The following ODF2 variants were observed in gnomAD, a reference collection of about 807,000 sequenced individuals.
ODF2 encodes outer dense fiber of sperm tails 2.
In ODF2, 47 loss-of-function variants were observed where a neutral mutation model predicts 110.2. The ratio of observed to expected loss-of-function variants is 0.43; its 90% CI spans 0.34 to 0.54. The LOEUF (loss-of-function observed/expected upper bound fraction) is 0.54, where lower values mean the gene tolerates loss of function less well. Among genes scored for constraint, ODF2 ranks in the 20% least tolerant of loss-of-function variants. ODF2 has a pLI of 0.03. For synonymous variants in ODF2, 352 were observed against 397.7 expected (o/e 0.89, Z 1.37); for missense variants, 812 against 1,054.5 (o/e 0.77, Z 3.19).
intron 1 of ODF2, chr9:128,456,856 A>G (rs1834990067): frequency 1.5e-6 from 2 of 1,292,238 alleles, no homozygotes; most frequent in East Asian, 3.5e-5. Context: ...GGCCCGTGCA[A>G]CCTCCGCGCC....
chr9:128,469,527 C>A, intron 5 of ODF2, 174 bp downstream of exon 5: 1 of 638,026 alleles, frequency 1.6e-6, no homozygotes. Flanking sequence ...GCATGGGATC[C>A]CATCCCACCA....
chr9:128,455,764 G>A (rs1013426324), upstream of ODF2, among the ~76,000 whole-genome samples: 9 of 152,050 alleles, frequency 5.9e-5, no homozygotes, highest in African/African-American at 1.4e-4. Context: ...GAGGCAGTGT[G>A]CAGCTCCCAA....
Position 128,459,674 on chromosome 9 carries a change from C to T in ODF2, c.123+17C>T, listed in dbSNP as rs372256022. ...ACTGTGACGGTAGGTGATGCACTCA[C>T]GTAGCAGCCCTCTTTGGTCACCTTG... On this transcript the variant is annotated intron_variant, in intron 3 of 20. Transcript: ENST00000604420. The T allele has an allele frequency of 1.3e-3, 2,115 of 1,588,036 alleles. No individual in the cohort carries two copies. Among genetic ancestry groups the T allele is most frequent in the Non-Finnish European group, 1.6e-3 (1,856 of 1,157,038 alleles).
intron 16 of ODF2, among the ~76,000 whole-genome samples, chr9:128,493,579 G>A (rs1209753530): frequency 6.6e-6 from 1 of 152,146 alleles, no homozygotes; most frequent in Admixed American, 6.5e-5. Context: ...TGGCTGATTA[G>A]AGCAGCGGGA....
intron 14 of ODF2, among the ~76,000 whole-genome samples, chr9:128,488,731 G>C (rs901810417): frequency 6.6e-6 from 1 of 151,970 alleles, no homozygotes; most frequent in African/African-American, 2.4e-5. Context: ...AGAATAAGGG[G>C]CCGGGCTCAC....
exon 5 of ODF2, chr9:128,469,188 A>G (rs1242440619): frequency 6.2e-7 from 1 of 1,613,744 alleles, no homozygotes; most frequent in South Asian, 1.1e-5. Context: ...ATCAGAATCC[A>G]CCTCATTGCC....
intron 2 of ODF2, chr9:128,457,584 A>T: frequency 9.6e-7 from 1 of 1,043,556 alleles, no homozygotes; most frequent in South Asian, 1.8e-5. Context: ...TTTTAAAGGG[A>T]AGGGGGAACG....
chr9:128,493,807 T>A (rs1485020902), intron 16 of ODF2, among the ~76,000 whole-genome samples: 1 of 152,194 alleles, frequency 6.6e-6, no homozygotes, highest in Non-Finnish European at 1.5e-5. Context: ...TTATTTTATT[T>A]TTTTTGAGAC....
chr9:128,469,376 A>C, intron 5 of ODF2, 23 bp downstream of exon 5: 1 of 1,612,238 alleles, frequency 6.2e-7, no homozygotes, highest in Non-Finnish European at 8.5e-7. Flanking sequence ...GGGGGCTGGG[A>C]TAGCTACTAC....
chr9:128,463,496 T>C (rs1050349115), intron 4 of ODF2, among the ~76,000 whole-genome samples: 35 of 152,192 alleles, frequency 2.3e-4, no homozygotes, highest in African/African-American at 8.4e-4. Context: ...TACGCACTTG[T>C]AGTCCTACTT....
At chr9:128,460,603 T>G (rs759734960) in intron 3 of ODF2, 1 of 1,613,984 alleles carries the variant, frequency 6.2e-7, no homozygotes, top group South Asian at 1.1e-5. Context: ...TTCACGTGGA[T>G]GAGAACACCC....
Position 128,494,949 on chromosome 9 carries a change from C to G in ODF2, c.1911+281C>G. 1.2e-6 allele frequency: 1 copy of G among 865,908 alleles called. No homozygotes were observed. The highest frequency in any genetic ancestry group is 1.7e-6 in the Non-Finnish European group (1 of 585,658). 53.6% of individuals were successfully genotyped at this position (865,908 alleles called of 1,614,324 possible). A position where few individuals can be genotyped will look rare whatever the true frequency, so the allele number is the denominator to read the frequency against. ...AGACTGCTGCCTCTGCCTGTGTGCT[C>G]CGCAGCTGTCCTCAGCTCCACACCC... On this transcript the variant is annotated intron_variant, in intron 17 of 20. Transcript: ENST00000604420. This position sits in a 1 kb window ranked among gnomAD's most constrained non-coding sequence, Gnocchi z 4.6.
intron 3 of ODF2, 48 bp from the exon 4 acceptor site, chr9:128,460,894 G>T: frequency 6.2e-7 from 1 of 1,613,014 alleles, no homozygotes; most frequent in Non-Finnish European, 8.5e-7. Flanking sequence ...GCGTGGCACC[G>T]TGGCCAGCTG....
rs1234401204 is a variant in ODF2 at position 128,485,734 on chromosome 9, G to C, written c.1400+260G>C. Among the ~76,000 whole-genome samples the C allele has an allele frequency of 6.6e-6, 1 of 152,146 alleles. No homozygotes were observed. Among genetic ancestry groups the C allele is most frequent in the Non-Finnish European group, 1.5e-5 (1 of 68,012 alleles). ...GCCGGGTCTTTCTGGTCAGAGGTGT[G>C]GGTCTGACTTCATCACCTGGGCCTG... On this transcript the variant is annotated intron_variant, in intron 13 of 20. Transcript: ENST00000604420. The surrounding 1 kb of genome is among the most constrained non-coding windows in gnomAD (Gnocchi z 5.0).
At chr9:128,458,455 C>CT (rs1412812024) in intron 2 of ODF2, among the ~76,000 whole-genome samples, 3 of 123,786 alleles carry the variant, frequency 2.4e-5, no homozygotes, top group East Asian at 2.7e-4. Context: ...GAGCGAGACT[C>CT]TATCTCAAAA....
intron 8 of ODF2, among the ~76,000 whole-genome samples, chr9:128,475,919 C>T (rs1475725150): frequency 6.6e-6 from 1 of 152,040 alleles, no homozygotes; most frequent in Non-Finnish European, 1.5e-5. Flanking sequence ...GCTGGGATTA[C>T]AGGGGTAAGC....
chr9:128,466,391 T>C (rs112235696), intron 4 of ODF2, among the ~76,000 whole-genome samples: 1 of 150,496 alleles, frequency 6.6e-6, no homozygotes, highest in Non-Finnish European at 1.5e-5. Context: ...GGGTTGAGCC[T>C]GGGAGGCAGA....
chr9:128,461,286 C>G, intron 4 of ODF2: 1 of 561,198 alleles, frequency 1.8e-6, no homozygotes. Flanking sequence ...GATGAGGAAC[C>G]AGACCTCAGA....
exon 16 of ODF2, chr9:128,492,749 C>T (rs559972693): frequency 6.2e-6 from 10 of 1,614,152 alleles, no homozygotes; most frequent in Middle Eastern, 3.3e-4. Flanking sequence ...CCAGCTAGAA[C>T]GCTGTGACAA....
Sources: allele counts gnomAD v4.1 joint callset (sites outside exome capture counted in the v4.1 genomes callset), GRCh38; gene constraint gnomAD v4.1.1; non-coding constraint Gnocchi (gnomAD v3.1); transcripts MANE v1.5; gene names NCBI Gene and HGNC (gene_info 2026-07-23, HGNC 2026-07-21).